Variants in BBS9 observed in about 807,000 individuals in gnomAD.
The protein encoded by BBS9 is Bardet-Biedl syndrome 9.
In BBS9, 89 loss-of-function variants were observed where a neutral mutation model predicts 117.7. The ratio of observed to expected loss-of-function variants is 0.76; its 90% CI spans 0.64 to 0.90. The LOEUF is 0.90. Among genes scored for constraint, BBS9 ranks in the 40% least tolerant of loss-of-function variants. The pLI, the probability that BBS9 is intolerant of heterozygous loss-of-function variation, is 0.00. For synonymous variants in BBS9, 379 were observed against 370.9 expected (o/e 1.02, Z -0.25); for missense variants, 982 against 1,042.2 (o/e 0.94, Z 0.80).
intron 20 of BBS9, among the ~76,000 whole-genome samples, chr7:33,528,298 C>G (rs1162503034): frequency 1.3e-5 from 2 of 152,184 alleles, no homozygotes; most frequent in East Asian, 3.9e-4. Flanking sequence ...GCCACAAAAT[C>G]TCCATTTGTT....
chr7:33,352,381 C>T (rs996965472), intron 14 of BBS9, among the ~76,000 whole-genome samples: 1 of 151,878 alleles, frequency 6.6e-6, no homozygotes, highest in Non-Finnish European at 1.5e-5. Flanking sequence ...AGAGAGTCTG[C>T]AGAATGCCAA....
At chr7:33,297,068 G>A (rs1260191778) in intron 9 of BBS9, among the ~76,000 whole-genome samples, 1 of 152,084 alleles carries the variant, frequency 6.6e-6, no homozygotes, top group Non-Finnish European at 1.5e-5. Context: ...TGACATGAAA[G>A]GGAAAACATT....
chr7:33,210,602 G>A (rs1787819459), intron 5 of BBS9, among the ~76,000 whole-genome samples: 1 of 152,114 alleles, frequency 6.6e-6, no homozygotes, highest in Non-Finnish European at 1.5e-5. Context: ...CAGTGGCACA[G>A]TCTTGGCTCA....
chr7:33,349,209 G>A (rs1027728534), intron 13 of BBS9, 39 bp downstream of exon 13: 1 of 1,454,706 alleles, frequency 6.9e-7, no homozygotes, highest in Non-Finnish European at 9.6e-7. Flanking sequence ...ACCATGGTGT[G>A]AATTTTTTAA....
At chr7:33,429,405 A>G (rs949101595) in intron 19 of BBS9, among the ~76,000 whole-genome samples, 1 of 151,962 alleles carries the variant, frequency 6.6e-6, no homozygotes, top group Non-Finnish European at 1.5e-5. Flanking sequence ...TTTTTACTTT[A>G]ATGTTTACAT....
chr7:33,397,765 GAT>G (rs2128780921), intron 19 of BBS9, among the ~76,000 whole-genome samples: 1 of 152,212 alleles, frequency 6.6e-6, no homozygotes, highest in South Asian at 2.1e-4. Flanking sequence ...GGAGCTGAAT[GAT>G]GAGAACACAT....
intron 9 of BBS9, among the ~76,000 whole-genome samples, chr7:33,282,624 G>A (rs113513544): frequency 0.028 from 4,289 of 152,112 alleles, 148 homozygotes; most frequent in African/African-American, 0.077. Flanking sequence ...CACCCGCCTC[G>A]CCTCCCAAAG....
intron 19 of BBS9, among the ~76,000 whole-genome samples, chr7:33,390,029 C>A (rs1248369949): frequency 6.6e-6 from 1 of 152,090 alleles, no homozygotes; most frequent in Non-Finnish European, 1.5e-5. Context: ...GGCACCAATG[C>A]CCTGTCTGTT....
At chr7:33,446,145 GAT>G (rs1482229754) in intron 19 of BBS9, among the ~76,000 whole-genome samples, 1 of 152,036 alleles carries the variant, frequency 6.6e-6, no homozygotes, top group Non-Finnish European at 1.5e-5. Flanking sequence ...GGTTCCTTAA[GAT>G]TAAAATAGCA....
chr7:33,282,566 G>T (rs1404014471), intron 9 of BBS9, among the ~76,000 whole-genome samples: 1 of 152,030 alleles, frequency 6.6e-6, no homozygotes, highest in African/African-American at 2.4e-5. Context: ...TAGAGACAGG[G>T]TTTCAATATC....
At chr7:33,404,022 A>G (rs1393095345) in intron 19 of BBS9, among the ~76,000 whole-genome samples, 1 of 152,076 alleles carries the variant, frequency 6.6e-6, no homozygotes, top group Non-Finnish European at 1.5e-5. Flanking sequence ...CTGGTGTGAG[A>G]TGGTATCTCA....
chr7:33,288,555 T>C (rs542307086), intron 9 of BBS9, among the ~76,000 whole-genome samples: 1 of 152,348 alleles, frequency 6.6e-6, no homozygotes, highest in East Asian at 1.9e-4. Context: ...AAGCTTTGCT[T>C]AGTGAAGAAA....
At chr7:33,148,397 C>A (rs148980068) in intron 2 of BBS9, among the ~76,000 whole-genome samples, 46 of 152,224 alleles carry the variant, frequency 3.0e-4, no homozygotes, top group African/African-American at 1.1e-3. Context: ...ACTAATTAGG[C>A]TGGTAACTGG....
In BBS9 at chr7:33,133,239, G is replaced by T. The variant is rs557328111; in HGVS notation, c.-12+3198G>T. Among the ~76,000 whole-genome samples the T allele has an allele frequency of 1.2e-4, 19 of 152,070 alleles. 1 individual carries two copies. Among genetic ancestry groups the T allele is most frequent in the South Asian group, 4.2e-4 (2 of 4,818 alleles). On this transcript the variant is annotated intron_variant, in intron 1 of 22. Coordinates refer to ENST00000242067, the MANE Select transcript of BBS9 (RefSeq NM_198428.3). ...CATTTGTTATCTTTAAAAAAAAACA[G>T]CTTTGTTGAAATACAATTCAAATAC...
intron 5 of BBS9, among the ~76,000 whole-genome samples, chr7:33,237,149 C>T (rs1419901742): frequency 6.6e-6 from 1 of 152,074 alleles, no homozygotes; most frequent in Non-Finnish European, 1.5e-5. Flanking sequence ...CACTCTTGTG[C>T]CAAGGTAAAT....
At chr7:33,306,255 G>A (rs890988277) in intron 9 of BBS9, among the ~76,000 whole-genome samples, 2 of 151,922 alleles carry the variant, frequency 1.3e-5, no homozygotes, top group Admixed American at 6.6e-5. Context: ...GGTCAGAGAA[G>A]ATGCTTGATA....
intron 19 of BBS9, among the ~76,000 whole-genome samples, chr7:33,451,109 C>T (rs1001891281): frequency 5.9e-5 from 9 of 151,932 alleles, no homozygotes; most frequent in African/African-American, 1.2e-4. Context: ...AGGATGGTCT[C>T]GATCTCCTGA....
intron 19 of BBS9, among the ~76,000 whole-genome samples, chr7:33,479,165 T>TGAGG (rs2128970404): frequency 6.6e-6 from 1 of 152,258 alleles, no homozygotes; most frequent in South Asian, 2.1e-4. Context: ...TGTGTGTCCC[T>TGAGG]GAGGTTTGGG....
chr7:33,532,158 G>C (rs530669522), intron 20 of BBS9, among the ~76,000 whole-genome samples: 2 of 152,338 alleles, frequency 1.3e-5, no homozygotes, highest in South Asian at 4.1e-4. Flanking sequence ...GGATGGCAAT[G>C]CCTGAGCAAG....
Sources: gnomAD v4.1 joint callset for allele counts (sites outside exome capture counted in the v4.1 genomes callset) on GRCh38, gnomAD v4.1.1 for gene constraint, MANE v1.5 for transcripts, NCBI Gene and HGNC (gene_info 2026-07-23, HGNC 2026-07-21) for gene names.